The following PATJ variants were observed in gnomAD, a reference collection of about 807,000 sequenced individuals.
PATJ encodes the protein inaD-like protein.
In PATJ, 190 loss-of-function variants were observed where a neutral mutation model predicts 224.9. The observed-to-expected ratio is 0.84, with a 90% confidence interval of 0.75 to 0.95. The LOEUF (loss-of-function observed/expected upper bound fraction) is 0.95. PATJ is among the 40% of genes least tolerant of loss of function. The pLI is 0.00. For synonymous variants in PATJ, 769 were observed against 820.3 expected (o/e 0.94, Z 1.07); for missense variants, 2,121 against 2,270.3 (o/e 0.93, Z 1.34).
At chr1:61,920,523 C>T (rs1674138412) in intron 26 of PATJ, among the ~76,000 whole-genome samples, 1 of 151,958 alleles carries the variant, frequency 6.6e-6, no homozygotes, top group African/African-American at 2.4e-5. Context: ...CTTTTTCTTC[C>T]CAGTCTCAGG....
intron 31 of PATJ, among the ~76,000 whole-genome samples, chr1:62,065,598 ACT>A (rs1656278457): frequency 6.6e-6 from 1 of 152,012 alleles, no homozygotes; most frequent in South Asian, 2.1e-4. Context: ...ACAGAGTAAG[ACT>A]CTGTCTCAAA....
At chr1:62,144,766 CAAAA>C (rs546610971) in intron 41 of PATJ, among the ~76,000 whole-genome samples, 11,351 of 116,516 alleles carry the variant, frequency 0.097, 962 homozygotes, top group Admixed American at 0.22. Flanking sequence ...ATGTTATTTG[CAAAA>C]AAAAAAAATA....
chr1:61,758,451 C>T (rs1048430237), intron 1 of PATJ, among the ~76,000 whole-genome samples: 1 of 151,934 alleles, frequency 6.6e-6, no homozygotes, highest in Non-Finnish European at 1.5e-5. Context: ...TGGGTTCAAG[C>T]GATTCTCCTG....
chr1:61,879,592 T>G (rs989364541), intron 21 of PATJ, among the ~76,000 whole-genome samples: 1 of 120,130 alleles, frequency 8.3e-6, no homozygotes, highest in African/African-American at 3.2e-5. Flanking sequence ...TCACAGGACT[T>G]AGGGTTTTAG....
At chr1:62,112,335 G>A (rs1289257800) in intron 34 of PATJ, among the ~76,000 whole-genome samples, 3 of 151,952 alleles carry the variant, frequency 2.0e-5, no homozygotes, top group South Asian at 2.1e-4. Flanking sequence ...GTGAAACCCC[G>A]TCTCTACTAA....
At chr1:61,933,518 C>T (rs532465789) in intron 27 of PATJ, among the ~76,000 whole-genome samples, 6 of 140,560 alleles carry the variant, frequency 4.3e-5, no homozygotes, top group South Asian at 2.2e-4. Context: ...TCCACCCTGG[C>T]GACAGAGTGA....
chr1:61,950,712 T>A (rs1679529135), intron 27 of PATJ, among the ~76,000 whole-genome samples: 3 of 152,228 alleles, frequency 2.0e-5, no homozygotes, highest in South Asian at 4.1e-4. Flanking sequence ...TTGTTCTTTT[T>A]TTTGTTTTTT....
intron 11 of PATJ, among the ~76,000 whole-genome samples, 183 bp downstream of exon 11, chr1:61,797,611 G>A (rs1651613052): frequency 6.6e-6 from 1 of 152,184 alleles, no homozygotes; most frequent in Non-Finnish European, 1.5e-5. Flanking sequence ...TACTATGTCA[G>A]TCAGAATGGT....
intron 22 of PATJ, among the ~76,000 whole-genome samples, chr1:61,885,935 C>A (rs1668761506): frequency 1.3e-5 from 2 of 149,534 alleles, no homozygotes; most frequent in African/African-American, 2.5e-5. Flanking sequence ...GGAGAAAAAA[C>A]CAAACACTGC....
At chr1:61,903,340 G>A (rs1249079935) in intron 24 of PATJ, among the ~76,000 whole-genome samples, 1 of 152,188 alleles carries the variant, frequency 6.6e-6, no homozygotes, top group Non-Finnish European at 1.5e-5. Context: ...AAGTGGCAAA[G>A]ATAATTCAAA....
At chr1:62,137,394 A>T (rs1167561729) in intron 41 of PATJ, among the ~76,000 whole-genome samples, 2 of 105,280 alleles carry the variant, frequency 1.9e-5, no homozygotes, top group African/African-American at 3.8e-5. Flanking sequence ...GGAGGGGGGA[A>T]CATAGAATGA....
At chr1:61,935,840 A>G (rs1259966471) in intron 27 of PATJ, among the ~76,000 whole-genome samples, 1 of 152,060 alleles carries the variant, frequency 6.6e-6, no homozygotes, top group Non-Finnish European at 1.5e-5. Context: ...AAAAACTTAG[A>G]TTACCAATTC....
At chr1:61,956,346 T>C (rs932590821) in intron 27 of PATJ, among the ~76,000 whole-genome samples, 2 of 152,212 alleles carry the variant, frequency 1.3e-5, no homozygotes, top group African/African-American at 4.8e-5. Flanking sequence ...AAGATGGAAA[T>C]GTACGAGCAT....
At chr1:61,826,849 GGATGGTATTAA>G (rs1355681601) in intron 15 of PATJ, among the ~76,000 whole-genome samples, 1 of 152,172 alleles carries the variant, frequency 6.6e-6, no homozygotes, top group East Asian at 1.9e-4. Flanking sequence ...TATTTTTCTA[GGATGGTATTAA>G]GAGTGTGTGG....
intron 27 of PATJ, among the ~76,000 whole-genome samples, chr1:61,965,906 A>G (rs897518818): frequency 6.6e-6 from 1 of 152,020 alleles, no homozygotes. Flanking sequence ...TGTTATTTTT[A>G]TTTATTTATT....
chr1:62,149,254 T>A (rs916737943), intron 42 of PATJ, among the ~76,000 whole-genome samples: 1 of 152,032 alleles, frequency 6.6e-6, no homozygotes, highest in Non-Finnish European at 1.5e-5. Context: ...TGTTAACAAG[T>A]TTCCCAGAGT....
At chr1:61,858,204 G>A (rs1459569104) in intron 18 of PATJ, among the ~76,000 whole-genome samples, 6 of 152,064 alleles carry the variant, frequency 3.9e-5, no homozygotes, top group Non-Finnish European at 7.4e-5. Context: ...GCAGGCACTC[G>A]TATGGCAAAA....
chr1:62,114,191 G>A lies in PATJ; in HGVS notation c.4600G>A (p.Val1534Met). The stretch of plus-strand genomic sequence containing the variant: ...TGAGGAGAACTTGGAGATTTTCCCT[G>A]TGGATCTGCAGAAGAAAGCTGGCCG... ...RDEENLEIFP[V>M]DLQKKAGRGL... Residue 1534 changes from valine (V) to methionine (M), a missense_variant, in exon 35 of 44, where the codon GTG becomes ATG. Physicochemically the swap from Val to Met is conservative, Grantham distance 21 (BLOSUM62 1). Coordinates refer to ENST00000642238, the MANE Select transcript of PATJ (RefSeq NM_001350145.3). The A allele has an allele frequency of 6.2e-7, 1 of 1,614,168 alleles. No homozygotes were observed. Among genetic ancestry groups the A allele is most frequent in the Admixed American group, 1.7e-5 (1 of 60,024 alleles).
chr1:61,819,848 T>C (rs1358887150), intron 14 of PATJ, among the ~76,000 whole-genome samples: 1 of 152,184 alleles, frequency 6.6e-6, no homozygotes, highest in Non-Finnish European at 1.5e-5. Context: ...GCACTTCATG[T>C]GTCTCTTTCA....
Sources: allele counts gnomAD v4.1 joint callset (sites outside exome capture counted in the v4.1 genomes callset), GRCh38; gene constraint gnomAD v4.1.1; transcripts MANE v1.5; gene names NCBI Gene and HGNC (gene_info 2026-07-23, HGNC 2026-07-21).